ZFAND3: variants seen among roughly 807,000 people sequenced by gnomAD.
ZFAND3 encodes the protein AN1-type zinc finger protein 3.
In ZFAND3, 10 loss-of-function variants were observed where a neutral mutation model predicts 29.6. The observed-to-expected ratio is 0.34, with a 90% CI of 0.21 to 0.57. The LOEUF (loss-of-function observed/expected upper bound fraction) is 0.57. Among genes scored for constraint, ZFAND3 ranks in the 20% least tolerant of loss-of-function variants. ZFAND3 has a pLI of 0.86. For synonymous variants in ZFAND3, 128 were observed against 112.6 expected (o/e 1.14, Z -0.87); for missense variants, 230 against 304.5 (o/e 0.76, Z 1.82).
At chr6:38,020,449 TAACA>T (rs977240926) in intron 2 of ZFAND3, among the ~76,000 whole-genome samples, 10 of 152,194 alleles carry the variant, frequency 6.6e-5, no homozygotes, top group African/African-American at 2.4e-4. Context: ...ACTTTTGTAT[TAACA>T]AACAAGTCTC....
At chr6:38,056,289 T>G (rs1181959041) in intron 2 of ZFAND3, among the ~76,000 whole-genome samples, 2 of 152,226 alleles carry the variant, frequency 1.3e-5, no homozygotes, top group Admixed American at 1.3e-4. Flanking sequence ...CAGTCATGAT[T>G]CCTTGCTAAG....
intron 1 of ZFAND3, among the ~76,000 whole-genome samples, chr6:37,890,749 T>G (rs1654336938): frequency 6.6e-6 from 1 of 152,224 alleles, no homozygotes; most frequent in African/African-American, 2.4e-5. Flanking sequence ...CACACAGTTC[T>G]GGTATTGTAG....
intron 4 of ZFAND3, among the ~76,000 whole-genome samples, chr6:38,116,140 A>G (rs971223615): frequency 2.0e-5 from 3 of 152,238 alleles, no homozygotes; most frequent in African/African-American, 7.2e-5. Context: ...CATTAGACAT[A>G]GTCCCATCTC....
intron 5 of ZFAND3, among the ~76,000 whole-genome samples, chr6:38,118,402 T>C (rs554775906): frequency 5.9e-5 from 9 of 152,318 alleles, no homozygotes; most frequent in South Asian, 4.1e-4. Flanking sequence ...CAGTTCAGTC[T>C]GTTACCAGTG....
chr6:37,975,654 T>G (rs1342427112), intron 2 of ZFAND3, among the ~76,000 whole-genome samples: 1 of 152,210 alleles, frequency 6.6e-6, no homozygotes, highest in African/African-American at 2.4e-5. Context: ...CTATCTTTCT[T>G]CACACTGCAG....
At chr6:37,862,441 C>T (rs1764509406) in intron 1 of ZFAND3, among the ~76,000 whole-genome samples, 1 of 151,762 alleles carries the variant, frequency 6.6e-6, no homozygotes, top group African/African-American at 2.4e-5. Context: ...AATCCCAGCA[C>T]CTTGGGAGGC....
intron 2 of ZFAND3, among the ~76,000 whole-genome samples, chr6:38,010,352 T>A (rs1006935813): frequency 6.6e-6 from 1 of 152,094 alleles, no homozygotes; most frequent in Non-Finnish European, 1.5e-5. Context: ...TTGATTTTTT[T>A]CCCCCCTTAC....
At chr6:38,091,851 A>T (rs1208658808) in intron 4 of ZFAND3, among the ~76,000 whole-genome samples, 2 of 151,506 alleles carry the variant, frequency 1.3e-5, no homozygotes, top group Admixed American at 1.3e-4. Context: ...CAGCAATTAT[A>T]AACAGGATAA....
intron 4 of ZFAND3, among the ~76,000 whole-genome samples, chr6:38,114,974 C>T (rs748393591): frequency 6.6e-6 from 1 of 151,978 alleles, no homozygotes; most frequent in African/African-American, 2.4e-5. Context: ...GGGAAACAGA[C>T]GAGGGGAAGT....
chr6:38,127,689 C>A (rs1765660872), intron 5 of ZFAND3, among the ~76,000 whole-genome samples: 1 of 151,694 alleles, frequency 6.6e-6, no homozygotes, highest in Admixed American at 6.6e-5. Context: ...CATTTAGTCT[C>A]ATCTCTTTTT....
chr6:37,958,338 C>T (rs1180272071), intron 2 of ZFAND3, among the ~76,000 whole-genome samples: 2 of 150,980 alleles, frequency 1.3e-5, no homozygotes, highest in Non-Finnish European at 3.0e-5. Flanking sequence ...CCTGTAACCC[C>T]AGCTCCTCGG....
intron 4 of ZFAND3, among the ~76,000 whole-genome samples, chr6:38,083,245 C>T (rs919757959): frequency 6.6e-6 from 1 of 152,172 alleles, no homozygotes; most frequent in African/African-American, 2.4e-5. Flanking sequence ...GCAACCTCAG[C>T]TCCTTTAAAT....
At chr6:37,870,173 G>A (rs551174496) in intron 1 of ZFAND3, among the ~76,000 whole-genome samples, 1 of 151,764 alleles carries the variant, frequency 6.6e-6, no homozygotes, top group East Asian at 1.9e-4. Context: ...GCTGGGTGTG[G>A]TGGCACACGC....
intron 2 of ZFAND3, among the ~76,000 whole-genome samples, chr6:38,044,875 A>G (rs1321630025): frequency 1.3e-5 from 2 of 152,068 alleles, no homozygotes; most frequent in South Asian, 2.1e-4. Context: ...ATTGAAGTAT[A>G]AAGTGTTAAG....
At chr6:38,066,550 A>G (rs903340374) in intron 3 of ZFAND3, among the ~76,000 whole-genome samples, 1 of 152,246 alleles carries the variant, frequency 6.6e-6, no homozygotes. Flanking sequence ...ACTATTTAGT[A>G]GTTATGGATC....
At chr6:38,115,405 C>G (rs989338622) in intron 4 of ZFAND3, among the ~76,000 whole-genome samples, 2 of 152,226 alleles carry the variant, frequency 1.3e-5, no homozygotes, top group South Asian at 4.1e-4. Context: ...ACAAGGGGAG[C>G]TATTAGAGGG....
chr6:38,013,663 G>A (rs1763200568), intron 2 of ZFAND3, among the ~76,000 whole-genome samples: 1 of 151,976 alleles, frequency 6.6e-6, no homozygotes, highest in African/African-American at 2.4e-5. Context: ...CAAATGGTGT[G>A]TAGGTGCCTA....
At chr6:37,950,507 A>G (rs772506344) in intron 2 of ZFAND3, among the ~76,000 whole-genome samples, 5 of 151,534 alleles carry the variant, frequency 3.3e-5, no homozygotes, top group African/African-American at 7.3e-5. Context: ...CCTCCCACGT[A>G]GCTGGGATTA....
At chr6:37,854,764 GC>G (rs5875599) in intron 1 of ZFAND3, among the ~76,000 whole-genome samples, 31,800 of 121,716 alleles carry the variant, frequency 0.26, 4,871 homozygotes, top group East Asian at 0.75. Context: ...AGGCTAAAAT[GC>G]CCCCCCCCCC....
Sources: allele counts gnomAD v4.1 joint callset (sites outside exome capture counted in the v4.1 genomes callset), GRCh38; gene constraint gnomAD v4.1.1; transcripts MANE v1.5; gene names NCBI Gene and HGNC (gene_info 2026-07-23, HGNC 2026-07-21).